Variants in BSN observed in about 807,000 individuals in gnomAD.
BSN encodes protein bassoon.
A neutral mutation model predicts 264.8 loss-of-function variants in BSN; 57 were observed. The observed-to-expected ratio is 0.22, with a 90% CI of 0.17 to 0.27. The LOEUF (loss-of-function observed/expected upper bound fraction) is 0.27, where lower values mean the gene tolerates loss of function less well. BSN is among the 10% of genes least tolerant of loss of function. The pLI is 1.00. For missense variants in BSN, 4,615 were observed against 5,232.5 expected, an observed-to-expected ratio of 0.88 and a Z score of 3.64; for synonymous variants, 2,059 against 2,137.3, an observed-to-expected ratio of 0.96 and a Z score of 1.01.
rs781242663 is a variant in BSN, at chr3:49,661,337, C to T, written c.9492C>T (p.Ile3164=). The T allele has an allele frequency of 6.2e-6, 10 of 1,613,982 alleles. No homozygotes were observed. Among genetic ancestry groups the T allele is most frequent in the South Asian group, 4.4e-5 (4 of 91,088 alleles). The change falls in exon 6 of 12, where the codon ATC becomes ATT. Residue 3164 remains isoleucine (I), a synonymous_variant. Coordinates refer to ENST00000296452, the MANE Select transcript of BSN (RefSeq NM_003458.4). ...AGGTGCCCACCAACTATGAGGTGAT[C>T]GCCAGCCCCGTTGTGCCCATGTCTT... is the stretch of plus-strand genomic sequence containing the variant. ...EQKVPTNYEV[I]ASPVVPMSSA...
intron 1 of BSN, among the ~76,000 whole-genome samples, chr3:49,596,604 C>G (rs983792889): frequency 1.3e-5 from 2 of 152,088 alleles, no homozygotes; most frequent in African/African-American, 4.8e-5. Flanking sequence ...ATCCTCCTGC[C>G]TCGGCCTCCC....
chr3:49,609,086 T>G (rs2108043744), intron 1 of BSN, among the ~76,000 whole-genome samples: 1 of 142,876 alleles, frequency 7.0e-6, no homozygotes, highest in African/African-American at 2.6e-5. Context: ...AAGGTTAAAT[T>G]GACTTTTTTT....
chr3:49,651,766 C>T lies in BSN; in HGVS notation c.2210C>T (p.Ala737Val), dbSNP rs2052542633. Residue 737 changes from alanine (A) to valine (V), a missense_variant, in exon 5 of 12, where the codon GCC (alanine) becomes GTC (valine). By Grantham distance (64) the Ala-to-Val change is moderately conservative. This residue lies in a region of BSN where 1,197 missense variants were observed against 1,348.0 expected (regional missense o/e 0.89). Coordinates refer to ENST00000296452, the MANE Select transcript of BSN (RefSeq NM_003458.4). The surrounding 1 kb of genome is among the most constrained non-coding windows in gnomAD (Gnocchi z 5.4). The part of the protein sequence containing the change: ...VGSSMRPLLQ[A>V]QGLAPSERSK... Reference sequence around the variant, plus strand: ...AGCAGCATGCGGCCTTTGCTGCAGGCCCAGGGCCTGGCCCCAAGTGAGCGG... The same window carrying T: ...AGCAGCATGCGGCCTTTGCTGCAGGTCCAGGGCCTGGCCCCAAGTGAGCGG... 1.2e-6 allele frequency: 2 copies of T among 1,613,376 alleles called. No homozygotes were observed. Among genetic ancestry groups the T allele is most frequent in the Non-Finnish European group, 1.7e-6 (2 of 1,179,940 alleles).
chr3:49,644,489 C>T (rs1354391092), intron 3 of BSN, among the ~76,000 whole-genome samples: 4 of 152,218 alleles, frequency 2.6e-5, no homozygotes, highest in Admixed American at 6.5e-5. Flanking sequence ...AGCAAGACAA[C>T]TGACCTCCTC....
At chr3:49,555,875 G>A (rs1368586330) in intron 1 of BSN, among the ~76,000 whole-genome samples, 1 of 152,178 alleles carries the variant, frequency 6.6e-6, no homozygotes, top group Non-Finnish European at 1.5e-5. Flanking sequence ...ATAAACTGAG[G>A]ACGCATAATT....
Position 49,651,444 on chromosome 3 carries a change from CAG to C in BSN, c.1987-97_1987-96del. On this transcript the variant is annotated intron_variant, in intron 4 of 11. Transcript: ENST00000296452. The surrounding 1 kb of genome is among the most constrained non-coding windows in gnomAD (Gnocchi z 5.4). ...GGGCCCTAAACCCTTGGGAAATGGACAGACTCTTCCCCAGGGTCCTGGGATTG... is the reference window on the plus strand; with the variant it reads ...GGGCCCTAAACCCTTGGGAAATGGACACTCTTCCCCAGGGTCCTGGGATTG... The C allele has an allele frequency of 7.5e-7, 1 of 1,334,108 alleles. No homozygotes were observed. The highest frequency in any genetic ancestry group is 1.0e-6 in the Non-Finnish European group (1 of 977,234). 82.6% of individuals were successfully genotyped at this position (1,334,108 alleles called of 1,614,324 possible).
intron 2 of BSN, among the ~76,000 whole-genome samples, chr3:49,636,468 G>A (rs2052420659): frequency 6.6e-6 from 1 of 152,264 alleles, no homozygotes; most frequent in African/African-American, 2.4e-5. Flanking sequence ...ATCCTGGGTC[G>A]GGAGGGGGGC....
At position 49,663,349 on chromosome 3, in the gene BSN, G is replaced by C. The variant is rs769745339; in HGVS notation, c.11191G>C (p.Gly3731Arg). ...SKKGSRQAHS[G>R]PAALQSKAEP... ...GAAGGGCTCCCGGCAAGCCCACTCC[G>C]GGCCCGCTGCACTGCAGTCAAAGGC... is the stretch of plus-strand genomic sequence containing the variant. The change falls in exon 7 of 12, where the codon GGG becomes CGG. Residue 3731 changes from glycine to arginine, a missense_variant. Gly to Arg is a moderately radical substitution (Grantham distance 125, BLOSUM62 -2). Transcript: ENST00000296452. 4.3e-6 allele frequency: 7 copies of C among 1,613,408 alleles called. No individual in the cohort carries two copies. The Middle Eastern group carries it at 4.9e-4, about 114-fold the overall frequency.
intron 6 of BSN, 152 bp from the exon 7 acceptor site, chr3:49,662,724 C>A: frequency 1.6e-6 from 1 of 632,812 alleles, no homozygotes; most frequent in East Asian, 6.8e-5. Context: ...CATCTGTGCC[C>A]TGGTCCGTGG....
intron 1 of BSN, among the ~76,000 whole-genome samples, chr3:49,569,662 T>C (rs929992039): frequency 5.3e-5 from 8 of 152,154 alleles, no homozygotes; most frequent in Non-Finnish European, 1.2e-4. Context: ...AAACAGATTA[T>C]AGAATTTAAG....
chr3:49,646,501 A>G (rs1031358989), intron 3 of BSN, among the ~76,000 whole-genome samples: 4 of 152,358 alleles, frequency 2.6e-5, no homozygotes, highest in African/African-American at 9.6e-5. Context: ...GGGTTGCAGC[A>G]GGGGCATCAG....
intron 1 of BSN, among the ~76,000 whole-genome samples, chr3:49,621,500 C>T (rs537269879): frequency 2.6e-5 from 4 of 152,188 alleles, no homozygotes; most frequent in Admixed American, 1.3e-4. Context: ...AAATAGTGAA[C>T]TTATTTCAGG....
At chr3:49,648,185 A>T (rs1035608867) in intron 3 of BSN, among the ~76,000 whole-genome samples, 4 of 152,338 alleles carry the variant, frequency 2.6e-5, no homozygotes, top group Non-Finnish European at 5.9e-5. Flanking sequence ...CTCCATCCAG[A>T]CTACCCTTCC....
chr3:49,606,434 C>T (rs1274680730), intron 1 of BSN, among the ~76,000 whole-genome samples: 1 of 146,396 alleles, frequency 6.8e-6, no homozygotes, highest in Non-Finnish European at 1.5e-5. Context: ...TTCTTCTAAG[C>T]ACCTATCATA....
At chr3:49,608,964 G>C (rs1024911952) in intron 1 of BSN, among the ~76,000 whole-genome samples, 2 of 152,136 alleles carry the variant, frequency 1.3e-5, no homozygotes, top group Non-Finnish European at 2.9e-5. Flanking sequence ...AGCACACAAG[G>C]AGCCCTCCTG....
intron 1 of BSN, among the ~76,000 whole-genome samples, chr3:49,612,804 C>T (rs910763364): frequency 6.6e-6 from 1 of 152,188 alleles, no homozygotes; most frequent in Non-Finnish European, 1.5e-5. Context: ...AGAAAACTTT[C>T]CCCCTGAAAT....
chr3:49,661,731 T>A lies in BSN; in HGVS notation c.9886T>A (p.Tyr3296Asn). ...AGAAGAGGAATCTGAGGAGGACTCA[T>A]ACGATCCCCGCGGGAAGGGTGGCCA... ...RGEEESEEDS[Y>N]DPRGKGGHLR... The change falls in exon 6 of 12, where the codon TAC (tyrosine) becomes AAC (asparagine). Residue 3296 changes from tyrosine to asparagine, a missense_variant. By Grantham distance (143) the Tyr-to-Asn change is moderately radical. Around this residue, in one of 3 missense-constraint regions of BSN, gnomAD observed 3,415 missense variants for 3,866.4 expected, o/e 0.88. Transcript: ENST00000296452. 6.2e-7 allele frequency: 1 copy of A among 1,613,470 alleles called. No homozygotes were observed. Among genetic ancestry groups the A allele is most frequent in the South Asian group, 1.1e-5 (1 of 91,084 alleles).
chr3:49,555,807 T>C (rs1359287253), intron 1 of BSN, among the ~76,000 whole-genome samples: 1 of 152,224 alleles, frequency 6.6e-6, no homozygotes, highest in East Asian at 1.9e-4. Flanking sequence ...GGGAGGTGCT[T>C]CCAGCTCCAT....
At chr3:49,649,680 A>G (rs993052766) in intron 3 of BSN, among the ~76,000 whole-genome samples, 1 of 152,162 alleles carries the variant, frequency 6.6e-6, no homozygotes, top group Non-Finnish European at 1.5e-5. Flanking sequence ...TTCACCATTG[A>G]TACCTGTGTC....
Sources: gnomAD v4.1 joint callset for allele counts (sites outside exome capture counted in the v4.1 genomes callset) on GRCh38, gnomAD v4.1.1 for gene constraint, gnomAD v4.1.1 regional missense constraint, Gnocchi (gnomAD v3.1) non-coding constraint, MANE v1.5 for transcripts, NCBI Gene and HGNC (gene_info 2026-07-23, HGNC 2026-07-21) for gene names.